HYCC2: variants seen among roughly 807,000 people sequenced by gnomAD.
The protein encoded by HYCC2 is hyccin PI4KA lipid kinase complex subunit 2, also known as hyccin 2.
At chr2:201,023,087 G>A in the HYCC2 span, among the ~76,000 whole-genome samples, 1 of 152,136 alleles carries the variant, frequency 6.6e-6, no homozygotes, top group Non-Finnish European at 1.5e-5. Flanking sequence ...AGTGGCTCAC[G>A]TCTGGAATCC....
the HYCC2 span, among the ~76,000 whole-genome samples, chr2:201,031,216 G>T: frequency 6.6e-6 from 1 of 151,980 alleles, no homozygotes; most frequent in Non-Finnish European, 1.5e-5. Flanking sequence ...TACTACCATA[G>T]CATAGAAACC....
chr2:201,033,040 A>G, the HYCC2 span, among the ~76,000 whole-genome samples: 2 of 151,786 alleles, frequency 1.3e-5, no homozygotes, highest in African/African-American at 2.4e-5. Context: ...TTTTAAATGT[A>G]TATTACTACT....
At chr2:201,013,925 G>A in the HYCC2 span, among the ~76,000 whole-genome samples, 1 of 151,974 alleles carries the variant, frequency 6.6e-6, no homozygotes, top group South Asian at 2.1e-4. Flanking sequence ...AGGGAAAGAA[G>A]GAAAAACAGA....
At chr2:201,010,285 C>T in the HYCC2 span, among the ~76,000 whole-genome samples, 5 of 152,168 alleles carry the variant, frequency 3.3e-5, no homozygotes, top group African/African-American at 9.6e-5. Flanking sequence ...CAAAGTCCCA[C>T]GGAATTAATT....
chr2:200,974,756 A>T, the HYCC2 span: 1 of 151,970 alleles, frequency 6.6e-6, no homozygotes, highest in Non-Finnish European at 1.5e-5. Flanking sequence ...AAAAAAAATT[A>T]TTTAACTTTT....
the HYCC2 span, among the ~76,000 whole-genome samples, chr2:200,994,381 T>C: frequency 3.3e-5 from 5 of 151,956 alleles, no homozygotes; most frequent in African/African-American, 1.2e-4. Flanking sequence ...TCCCAAGTAG[T>C]GGACTACAGG....
At chr2:201,031,856 T>C in the HYCC2 span, among the ~76,000 whole-genome samples, 1 of 152,232 alleles carries the variant, frequency 6.6e-6, no homozygotes, top group Non-Finnish European at 1.5e-5. Flanking sequence ...CTGCAGAGAC[T>C]TGAAATACTA....
the HYCC2 span, among the ~76,000 whole-genome samples, chr2:201,044,756 G>C: frequency 2.6e-5 from 4 of 152,044 alleles, no homozygotes; most frequent in African/African-American, 9.7e-5. Flanking sequence ...TTAATGGTTT[G>C]AACAATTTAG....
At chr2:201,028,035 C>A in the HYCC2 span, among the ~76,000 whole-genome samples, 1 of 152,184 alleles carries the variant, frequency 6.6e-6, no homozygotes, top group Non-Finnish European at 1.5e-5. Flanking sequence ...TCCCTCTTTG[C>A]AGATGACATT....
the HYCC2 span, among the ~76,000 whole-genome samples, chr2:201,043,547 T>G: frequency 6.6e-6 from 1 of 150,904 alleles, no homozygotes; most frequent in East Asian, 1.9e-4. Context: ...CTCACTCTGT[T>G]GCCTAGGCTA....
chr2:201,049,341 C>A, the HYCC2 span, among the ~76,000 whole-genome samples: 2 of 151,782 alleles, frequency 1.3e-5, no homozygotes, highest in Admixed American at 1.3e-4. Context: ...AATTTGAATT[C>A]TTTTCTTTTT....
At chr2:201,002,341 T>A in the HYCC2 span, among the ~76,000 whole-genome samples, 1 of 145,362 alleles carries the variant, frequency 6.9e-6, no homozygotes, top group East Asian at 2.0e-4. Context: ...AGAAAAACAA[T>A]AATGAATAAC....
At chr2:201,055,196 T>C in the HYCC2 span, among the ~76,000 whole-genome samples, 1 of 152,110 alleles carries the variant, frequency 6.6e-6, no homozygotes, top group African/African-American at 2.4e-5. Flanking sequence ...TCCTCAATTT[T>C]TTTTATTGTG....
chr2:201,025,346 T>C, the HYCC2 span, among the ~76,000 whole-genome samples: 1 of 151,794 alleles, frequency 6.6e-6, no homozygotes, highest in Non-Finnish European at 1.5e-5. Context: ...GATCTGGAAA[T>C]ATAATAATAA....
chr2:201,069,402 T>C, the HYCC2 span, among the ~76,000 whole-genome samples: 1 of 152,160 alleles, frequency 6.6e-6, no homozygotes, highest in African/African-American at 2.4e-5. Flanking sequence ...ATATGCTAAT[T>C]TGGACTAGTG....
chr2:200,982,503 G>T, the HYCC2 span, among the ~76,000 whole-genome samples: 2 of 151,996 alleles, frequency 1.3e-5, no homozygotes, highest in Non-Finnish European at 2.9e-5. Flanking sequence ...GTCATATTTT[G>T]TCTATGGCCT....
the HYCC2 span, among the ~76,000 whole-genome samples, chr2:201,038,336 G>C: frequency 1.3e-5 from 2 of 152,120 alleles, no homozygotes; most frequent in Non-Finnish European, 2.9e-5. Flanking sequence ...TCAGTGTGGC[G>C]ATTCCTCAGG....
At chr2:200,981,135 A>G in the HYCC2 span, 1 of 1,012,002 alleles carries the variant, frequency 9.9e-7, no homozygotes, top group South Asian at 1.6e-5. This position sits in a 1 kb window ranked among gnomAD's most constrained non-coding sequence, Gnocchi z 4.5. Context: ...TACAAAATAC[A>G]GTATGAAGAT....
At chr2:201,047,476 A>G in the HYCC2 span, among the ~76,000 whole-genome samples, 1 of 151,208 alleles carries the variant, frequency 6.6e-6, no homozygotes, top group African/African-American at 2.4e-5. Flanking sequence ...ACACACACAC[A>G]TATAAAACAG....
Sources: allele counts gnomAD v4.1 joint callset (sites outside exome capture counted in the v4.1 genomes callset), GRCh38; gene constraint gnomAD v4.1.1; non-coding constraint Gnocchi (gnomAD v3.1); transcripts MANE v1.5; gene names NCBI Gene and HGNC (gene_info 2026-07-23, HGNC 2026-07-21).